Variants in RPS6KB1 observed in about 807,000 individuals in gnomAD.
RPS6KB1 encodes the protein ribosomal protein S6 kinase B1, also known as ribosomal protein S6 kinase beta-1.
Under a neutral mutation model 70.2 loss-of-function variants are expected in RPS6KB1, and 12 were observed. The observed-to-expected ratio is 0.17, with a 90% CI of 0.11 to 0.28. The LOEUF (loss-of-function observed/expected upper bound fraction) is 0.28, where lower values mean the gene tolerates loss of function less well. RPS6KB1 is among the 10% of genes least tolerant of loss of function. The pLI, the probability that RPS6KB1 is intolerant of heterozygous loss-of-function variation, is 1.00. For missense variants in RPS6KB1, 270 were observed against 646.6 expected (o/e 0.42, Z 6.32); for synonymous variants, 175 against 211.2 (o/e 0.83, Z 1.49).
chr17:59,938,187 G>GT (rs1418132468), intron 12 of RPS6KB1, among the ~76,000 whole-genome samples: 1 of 141,862 alleles, frequency 7.0e-6, no homozygotes, highest in Admixed American at 7.1e-5. Flanking sequence ...TTTTTTTTGG[G>GT]GGGGGGATAG....
At chr17:59,908,100 A>ATTT (rs1362414367) in intron 1 of RPS6KB1, among the ~76,000 whole-genome samples, 2 of 152,124 alleles carry the variant, frequency 1.3e-5, no homozygotes, top group Non-Finnish European at 2.9e-5. Flanking sequence ...TACTCTGTGT[A>ATTT]TTAAAAGCAC....
rs1191762891 is a variant in RPS6KB1, at chr17:59,946,970, A to C, written c.*182A>C. 1.7e-5 allele frequency: 24 copies of C among 1,431,940 alleles called. No individual in the cohort carries two copies. Among genetic ancestry groups the C allele is most frequent in the Admixed American group, 8.4e-5 (3 of 35,624 alleles). 88.7% of individuals were successfully genotyped at this position (1,431,940 alleles called of 1,614,324 possible). On this transcript the variant is annotated 3_prime_UTR_variant, in exon 15 of 15. Coordinates refer to ENST00000225577, the MANE Select transcript of RPS6KB1 (RefSeq NM_003161.4). The surrounding 1 kb of genome is among the most constrained non-coding windows in gnomAD (Gnocchi z 4.2). Reference sequence around the variant, plus strand: ...AAATCAATCAATGGTGCAAAAAAAAACTTAAAGCAAAATAGTATTGCTGAA... The same window carrying C: ...AAATCAATCAATGGTGCAAAAAAAACCTTAAAGCAAAATAGTATTGCTGAA...
At chr17:59,909,015 C>T (rs2144758679) in intron 1 of RPS6KB1, among the ~76,000 whole-genome samples, 1 of 150,156 alleles carries the variant, frequency 6.7e-6, no homozygotes, top group East Asian at 2.0e-4. Context: ...CCATCTCTGC[C>T]TTCCAGGTTC....
chr17:59,896,263 G>A (rs1235779302), intron 1 of RPS6KB1, among the ~76,000 whole-genome samples: 3 of 151,606 alleles, frequency 2.0e-5, no homozygotes. Context: ...GCGCTATCTC[G>A]GCTCACTGCA....
chr17:59,911,427 C>G (rs9911274), intron 2 of RPS6KB1, among the ~76,000 whole-genome samples: 1 of 151,974 alleles, frequency 6.6e-6, no homozygotes, highest in African/African-American at 2.4e-5. Flanking sequence ...GTGGCACAAT[C>G]TCGGCTCACC....
At chr17:59,936,026 C>T (rs368316363) in intron 10 of RPS6KB1, among the ~76,000 whole-genome samples, 189 bp from the exon 11 acceptor site, 2 of 150,860 alleles carry the variant, frequency 1.3e-5, no homozygotes, top group Non-Finnish European at 3.0e-5. Context: ...TGGCCAACCT[C>T]GAACTCCCAA....
At chr17:59,916,586 T>G (rs8065079) in intron 4 of RPS6KB1, among the ~76,000 whole-genome samples, 6,423 of 152,286 alleles carry the variant, frequency 0.042, 479 homozygotes, top group African/African-American at 0.15. Context: ...AATCTATCAG[T>G]TCCATTTATT....
At chr17:59,942,344 A>ATTT (rs1206930506) in intron 13 of RPS6KB1, among the ~76,000 whole-genome samples, 1 of 152,238 alleles carries the variant, frequency 6.6e-6, no homozygotes, top group Non-Finnish European at 1.5e-5. Flanking sequence ...GTCTGTATAG[A>ATTT]TTTATAGCTT....
At chr17:59,944,154 C>G (rs2044786491) in intron 13 of RPS6KB1, among the ~76,000 whole-genome samples, 1 of 152,108 alleles carries the variant, frequency 6.6e-6, no homozygotes, top group Non-Finnish European at 1.5e-5. Flanking sequence ...TGTCACAAAT[C>G]ATATGCACTT....
In RPS6KB1 at chr17:59,947,231, G is replaced by A; in HGVS notation, c.*443G>A. The A allele has an allele frequency of 9.7e-7, 1 of 1,027,006 alleles. No homozygotes were observed. Among genetic ancestry groups the A allele is most frequent in the Non-Finnish European group, 1.2e-6 (1 of 857,510 alleles). The allele number at this position is 1,027,006 out of a possible 1,614,324, so 63.6% of individuals were successfully genotyped here. A position where few individuals can be genotyped will look rare whatever the true frequency, so the allele number is the denominator to read the frequency against. The stretch of plus-strand genomic sequence containing the variant: ...TGCAAGCTTGGTCAAACTTTTTCCA[G>A]CAAAATGGAAGCAAAGACAAAAGAA... On this transcript the variant is annotated 3_prime_UTR_variant, in exon 15 of 15. Coordinates refer to ENST00000225577, the MANE Select transcript of RPS6KB1 (RefSeq NM_003161.4).
Position 59,893,444 on chromosome 17 carries a change from T to A in RPS6KB1, c.141+119T>A. The stretch of plus-strand genomic sequence containing the variant: ...AGGGGGGCTCCTGAGGAGCTGAGGG[T>A]CGCGCGGCCTGAGACAGGGGAGCGG... On this transcript the variant is annotated intron_variant, in intron 1 of 14. Transcript: ENST00000225577. The surrounding 1 kb of genome is among the most constrained non-coding windows in gnomAD (Gnocchi z 4.1). 1 of 1,071,642 alleles carries A rather than the reference T, an allele frequency of 9.3e-7. No individual in the cohort carries two copies. The highest frequency in any genetic ancestry group is 1.3e-6 in the Non-Finnish European group (1 of 746,922). 66.4% of individuals were successfully genotyped at this position (1,071,642 alleles called of 1,614,324 possible). A position where few individuals can be genotyped will look rare whatever the true frequency, so the allele number is the denominator to read the frequency against.
rs1184826889 is a variant in RPS6KB1, at chr17:59,911,538, G to GTTTT, written c.191+948_191+951dup. Among the ~76,000 whole-genome samples the GTTTT allele has an allele frequency of 3.9e-3, 288 of 74,714 alleles. 11 individuals carry two copies. The highest frequency in any genetic ancestry group is 0.013 in the Middle Eastern group (1 of 78). The allele number at this position is 74,714 out of a possible 152,430, so 49.0% of individuals were successfully genotyped here. On this transcript the variant is annotated intron_variant, in intron 2 of 14. Transcript: ENST00000225577. ...ACCACACCTGGCTAATTTTTGTTGG[G>GTTTT]TTTTTTTTTTTTTTTTTTTTTTTTG...
In RPS6KB1 at chr17:59,893,756, C is replaced by T. The variant is rs1222064185; in HGVS notation, c.141+431C>T. ...TCAAGTATTGAATCTTCAGACCTCC[C>T]ACAACCACCTCTCTTCTCGGCCTGT... On this transcript the variant is annotated intron_variant, in intron 1 of 14. Coordinates refer to ENST00000225577, the MANE Select transcript of RPS6KB1 (RefSeq NM_003161.4). This position sits in a 1 kb window ranked among gnomAD's most constrained non-coding sequence, Gnocchi z 4.1. The T allele has an allele frequency of 1.0e-6, 1 of 992,134 alleles. No individual in the cohort carries two copies. The highest frequency in any genetic ancestry group is 1.2e-6 in the Non-Finnish European group (1 of 833,668). 61.5% of individuals were successfully genotyped at this position (992,134 alleles called of 1,614,324 possible). A position where few individuals can be genotyped will look rare whatever the true frequency, so the allele number is the denominator to read the frequency against.
chr17:59,908,613 ATTTTTTTTT>A (rs546677930), intron 1 of RPS6KB1, among the ~76,000 whole-genome samples: 24 of 106,190 alleles, frequency 2.3e-4, no homozygotes, highest in African/African-American at 6.4e-4. Flanking sequence ...TGTAAAAAAA[ATTTTTTTTT>A]TTTTTTTTTT....
chr17:59,907,432 A>G (rs2042338747), intron 1 of RPS6KB1: 1 of 152,186 alleles, frequency 6.6e-6, no homozygotes, highest in Admixed American at 6.6e-5. Flanking sequence ...AACAATGTTA[A>G]ATCTCTGATC....
intron 4 of RPS6KB1, among the ~76,000 whole-genome samples, chr17:59,921,476 A>T (rs2043260545): frequency 6.6e-6 from 1 of 152,128 alleles, no homozygotes; most frequent in African/African-American, 2.4e-5. Context: ...TTCTGATTTT[A>T]ATTATCCTGG....
chr17:59,934,504 T>A lies in RPS6KB1; in HGVS notation c.850T>A (p.Tyr284Asn). ...VDWWSLGALM[Y>N]DMLTGAPPFT... is the part of the protein sequence containing the mutation. The stretch of plus-strand genomic sequence containing the variant: ...TTGGTGGAGTTTGGGAGCATTAATG[T>A]ATGACATGCTGACTGGAGCAGTAGG... The change falls in exon 9 of 15, where the codon TAT becomes AAT. Residue 284 changes from tyrosine to asparagine, a missense_variant. Physicochemically the swap from Tyr to Asn is moderately radical, Grantham distance 143. Around this residue, in one of 4 missense-constraint regions of RPS6KB1, gnomAD observed 133 missense variants for 314.7 expected, o/e 0.42. Coordinates refer to ENST00000225577, the MANE Select transcript of RPS6KB1 (RefSeq NM_003161.4). The surrounding 1 kb of genome is among the most constrained non-coding windows in gnomAD (Gnocchi z 4.8). 1 of 1,613,294 alleles carries A rather than the reference T, an allele frequency of 6.2e-7. No homozygotes were observed. The highest frequency in any genetic ancestry group is 8.5e-7 in the Non-Finnish European group (1 of 1,179,264).
At chr17:59,938,581 G>A (rs987580275) in intron 12 of RPS6KB1, among the ~76,000 whole-genome samples, 4 of 151,938 alleles carry the variant, frequency 2.6e-5, no homozygotes, top group Non-Finnish European at 5.9e-5. Context: ...TAGTTTCATT[G>A]ACCATGTTCA....
chr17:59,914,603 C>T (rs1276566573), intron 3 of RPS6KB1, 32 bp from the exon 4 acceptor site: 2 of 1,562,768 alleles, frequency 1.3e-6, no homozygotes, highest in Non-Finnish European at 1.8e-6. Flanking sequence ...CATAGTTTGC[C>T]TTTGAATAAC....
Sources: gnomAD v4.1 joint callset for allele counts (sites outside exome capture counted in the v4.1 genomes callset) on GRCh38, gnomAD v4.1.1 for gene constraint, gnomAD v4.1.1 regional missense constraint, Gnocchi (gnomAD v3.1) non-coding constraint, MANE v1.5 for transcripts, NCBI Gene and HGNC (gene_info 2026-07-23, HGNC 2026-07-21) for gene names.